KLHL35: variants seen among roughly 807,000 people sequenced by gnomAD.
KLHL35 encodes the protein kelch-like protein 35.
A neutral mutation model predicts 44.0 loss-of-function variants in KLHL35; 50 were observed. The ratio of observed to expected loss-of-function variants is 1.14; its 90% CI spans 0.91 to 1.44. KLHL35 has a LOEUF of 1.44. Ranked by LOEUF, KLHL35 falls within the 40% of genes most tolerant of loss-of-function variation. The pLI is 0.00. For synonymous variants in KLHL35, 470 were observed against 410.4 expected, an observed-to-expected ratio of 1.15 and a Z score of -1.76; for missense variants, 1,049 against 887.8, an observed-to-expected ratio of 1.18 and a Z score of -2.31.
chr11:75,429,642 A>G lies in KLHL35; in HGVS notation c.881+107T>C, dbSNP rs1035084018. Reference sequence around the variant, plus strand: ...GAGCCTCTAAAATGTTGAACGAATGACTGAATATCATCAAGAGGCAGTACT... The same window carrying G: ...GAGCCTCTAAAATGTTGAACGAATGGCTGAATATCATCAAGAGGCAGTACT... On this transcript the variant is annotated intron_variant, in intron 2 of 6. Transcript: ENST00000539798. 8 of 1,291,640 alleles carry G rather than the reference A, an allele frequency of 6.2e-6. No homozygotes were observed. In the Admixed American group the frequency reaches 1.2e-4, roughly 19 times the overall value. 80.0% of individuals were successfully genotyped at this position (1,291,640 alleles called of 1,614,324 possible).
Position 75,423,878 on chromosome 11 carries a change from C to T in KLHL35, c.1377G>A (p.Val459=). 1 of 1,611,296 alleles carries T rather than the reference C, an allele frequency of 6.2e-7. No individual in the cohort carries two copies. ...ARQGGVNTDK[V]QCFDPKEDRW... The stretch of plus-strand genomic sequence containing the variant: ...GGTCCTCCTTGGGGTCAAAGCACTG[C>T]ACCTGAGGGGCAAGAGCAGCAGTGG... Residue 459 remains valine, a splice_region_variant and synonymous_variant, in exon 6 of 7, where the codon GTG becomes GTA. Coordinates refer to ENST00000539798, the MANE Select transcript of KLHL35 (RefSeq NM_001039548.3).
chr11:75,425,871 G>A, intron 4 of KLHL35: 1 of 357,774 alleles, frequency 2.8e-6, no homozygotes, highest in Non-Finnish European at 5.0e-6. Context: ...ATAATAGCTA[G>A]TATTGAGACT....
intron 6 of KLHL35, 36 bp downstream of exon 6, chr11:75,423,656 C>A (rs377130311): frequency 1.9e-6 from 3 of 1,576,112 alleles, no homozygotes; most frequent in Non-Finnish European, 2.6e-6. Context: ...GCCTTAGAAG[C>A]GGGTTCCGCT....
At chr11:75,424,121 CTCA>C (rs1338932911) in intron 5 of KLHL35, 14 of 484,614 alleles carry the variant, frequency 2.9e-5, no homozygotes, top group Non-Finnish European at 4.7e-5. Flanking sequence ...CAAAAGCCTC[CTCA>C]TCTTTCGAGG....
rs1948495246 is a variant in KLHL35, at chr11:75,426,709, C to T, written c.1067-71G>A. The T allele has an allele frequency of 2.9e-6, 3 of 1,032,496 alleles. No individual in the cohort carries two copies. In the South Asian group the frequency reaches 4.3e-5, roughly 15 times the overall value. The allele number at this position is 1,032,496 out of a possible 1,614,324, so 64.0% of individuals were successfully genotyped here. On this transcript the variant is annotated intron_variant, in intron 3 of 6. Coordinates refer to ENST00000539798, the MANE Select transcript of KLHL35 (RefSeq NM_001039548.3). ...CCAAGCACCCCCAAAGAGCTAGAAACTAGGGCCCCCAGATCCAAAGGAAGG... is the reference window on the plus strand; with the variant it reads ...CCAAGCACCCCCAAAGAGCTAGAAATTAGGGCCCCCAGATCCAAAGGAAGG...
At chr11:75,426,864 G>C (rs1948496650) in intron 3 of KLHL35, 3 of 419,256 alleles carry the variant, frequency 7.2e-6, no homozygotes, top group East Asian at 4.0e-5. Context: ...GACACATTCA[G>C]GAAGAAGGGG....
chr11:75,428,465 A>G lies in KLHL35; in HGVS notation c.1043T>C (p.Leu348Pro), dbSNP rs1225843737. The change falls in exon 3 of 7, where the codon CTC becomes CCC. Residue 348 changes from leucine to proline, a missense_variant. Coordinates refer to ENST00000539798, the MANE Select transcript of KLHL35 (RefSeq NM_001039548.3). ...ACCGGAGACGTAGACGTCATTGCGG[A>G]GAGCACAGGCGGCGAATTCTGAGCG... ...YTRSEFAACALRNDVYVSGGH... is the reference protein window; with the variant it reads ...YTRSEFAACAPRNDVYVSGGH... 4 of 1,612,542 alleles carry G rather than the reference A, an allele frequency of 2.5e-6. No individual in the cohort carries two copies. Among genetic ancestry groups the G allele is most frequent in the Non-Finnish European group, 3.4e-6 (4 of 1,179,852 alleles).
At chr11:75,425,290 A>G (rs1295458650) in intron 5 of KLHL35, 103 bp downstream of exon 5, 1 of 1,267,170 alleles carries the variant, frequency 7.9e-7, no homozygotes, top group Admixed American at 3.0e-5. Flanking sequence ...GATGGGATTA[A>G]GTGAATAAAT....
rs1948519928 is a variant in KLHL35 at position 75,429,926 on chromosome 11, A to G, written c.704T>C (p.Leu235Pro). ...GCGCACGTGCTCCAGCAGGCGTCGC[A>G]GCTGGCCGCGGCGGGCCGGCGCGTC... The part of the protein sequence containing the change: ...RHDAPARRGQ[L>P]RRLLEHVRLP... Residue 235 changes from leucine (L) to proline (P), a missense_variant, in exon 2 of 7, where the codon CTG becomes CCG. Transcript: ENST00000539798. The G allele has an allele frequency of 6.8e-7, 1 of 1,473,824 alleles. No individual in the cohort carries two copies. The highest frequency in any genetic ancestry group is 8.9e-7 in the Non-Finnish European group (1 of 1,122,376). The allele number at this position is 1,473,824 out of a possible 1,614,324, so 91.3% of individuals were successfully genotyped here. A position where few individuals can be genotyped will look rare whatever the true frequency, so the allele number is the denominator to read the frequency against.
At chr11:75,432,069 A>G (rs1309391435) in intron 1 of KLHL35, among the ~76,000 whole-genome samples, 18 of 152,132 alleles carry the variant, frequency 1.2e-4, no homozygotes. Context: ...GGGCTGGGCC[A>G]TGCTGGTTAT....
chr11:75,424,246 G>A (rs1177382003), intron 5 of KLHL35: 4 of 227,672 alleles, frequency 1.8e-5, no homozygotes, highest in African/African-American at 4.5e-5. Flanking sequence ...GAACACAGTC[G>A]CCTCATGTTA....
chr11:75,425,408 G>A lies in KLHL35; in HGVS notation c.1359C>T (p.Gly453=), dbSNP rs746240289. ...CCACGCCCACCTTGTCCGTGTTGAC[G>A]CCGCCCTGCCTGGCGCCCCCAATCA... is the stretch of plus-strand genomic sequence containing the variant. The part of the protein sequence containing the change: ...LFVIGGARQG[G]VNTDKVQCFD... Residue 453 remains glycine (G), a synonymous_variant, in exon 5 of 7, where the codon GGC becomes GGT. Transcript: ENST00000539798. The A allele has an allele frequency of 1.3e-5, 21 of 1,556,272 alleles. No individual in the cohort carries two copies. The highest frequency in any genetic ancestry group is 1.1e-4 in the African/African-American group (8 of 73,340).
intron 3 of KLHL35, 188 bp from the exon 4 acceptor site, chr11:75,426,826 G>T: frequency 2.0e-6 from 1 of 494,106 alleles, no homozygotes; most frequent in Admixed American, 3.4e-5. Context: ...GGGAATGTCT[G>T]AGTTACGACC....
At position 75,422,773 on chromosome 11, in the gene KLHL35, G is replaced by C; in HGVS notation, c.1564-5C>G. The C allele has an allele frequency of 6.2e-7, 1 of 1,607,132 alleles. No individual in the cohort carries two copies. Among genetic ancestry groups the C allele is most frequent in the Non-Finnish European group, 8.5e-7 (1 of 1,174,140 alleles). ...CACAGTGACTCCACAGCTTTCCTGG[G>C]TGGACAAACAGAAAGACAACTATCA... On this transcript the variant is annotated splice_region_variant and splice_polypyrimidine_tract_variant and intron_variant, in intron 6 of 6. Coordinates refer to ENST00000539798, the MANE Select transcript of KLHL35 (RefSeq NM_001039548.3).
chr11:75,430,150 G>T lies in KLHL35; in HGVS notation c.480C>A (p.Arg160=), dbSNP rs1948523113. ...LRAANSLALR[R]VAAAFSLAPL... ...GGGCCAGCGAGAAGGCGGCGGCCAC[G>T]CGGCGCAGCGCTAGGCTGTTGGCGG... The change falls in exon 2 of 7, where the codon CGC becomes CGA. Residue 160 remains arginine (R), a synonymous_variant. Coordinates refer to ENST00000539798, the MANE Select transcript of KLHL35 (RefSeq NM_001039548.3). 2 of 1,246,196 alleles carry T rather than the reference G, an allele frequency of 1.6e-6. No individual in the cohort carries two copies. Among genetic ancestry groups the T allele is most frequent in the Non-Finnish European group, 2.0e-6 (2 of 997,590 alleles). 77.2% of individuals were successfully genotyped at this position (1,246,196 alleles called of 1,614,324 possible).
chr11:75,430,142 G>A lies in KLHL35; in HGVS notation c.488C>T (p.Ala163Val). The change falls in exon 2 of 7, where the codon GCC (alanine) becomes GTC (valine). Residue 163 changes from alanine to valine, a missense_variant. Physicochemically the swap from Ala to Val is moderately conservative, Grantham distance 64. Coordinates refer to ENST00000539798, the MANE Select transcript of KLHL35 (RefSeq NM_001039548.3). The part of the protein sequence containing the change: ...ANSLALRRVA[A>V]AFSLAPLAER... Reference sequence around the variant, plus strand: ...GGCCAGCGGGGCCAGCGAGAAGGCGGCGGCCACGCGGCGCAGCGCTAGGCT... The same window carrying A: ...GGCCAGCGGGGCCAGCGAGAAGGCGACGGCCACGCGGCGCAGCGCTAGGCT... The A allele has an allele frequency of 8.0e-7, 1 of 1,253,024 alleles. No individual in the cohort carries two copies. The highest frequency in any genetic ancestry group is 1.0e-6 in the Non-Finnish European group (1 of 1,001,774). The allele number at this position is 1,253,024 out of a possible 1,614,324, so 77.6% of individuals were successfully genotyped here.
In KLHL35 at chr11:75,426,116, G is replaced by C. The variant is rs373827547; in HGVS notation, c.1185+404C>G. 384 of 160,188 alleles carry C rather than the reference G, an allele frequency of 2.4e-3. 3 individuals are homozygous for C. Among genetic ancestry groups the C allele is most frequent in the African/African-American group, 8.8e-3 (367 of 41,618 alleles). 9.9% of individuals were successfully genotyped at this position (160,188 alleles called of 1,614,324 possible). ...GACTACAGGCACCAGCCACCACGCC[G>C]AGCTAATTTTTTGTATTTTTAGTAG... On this transcript the variant is annotated intron_variant, in intron 4 of 6. Coordinates refer to ENST00000539798, the MANE Select transcript of KLHL35 (RefSeq NM_001039548.3).
At chr11:75,428,379 G>C (rs992997008) in intron 3 of KLHL35, 63 bp downstream of exon 3, 9 of 1,569,458 alleles carry the variant, frequency 5.7e-6, no homozygotes, top group Middle Eastern at 1.8e-4. Context: ...AAAAGCAAAG[G>C]GGGTGGAGTG....
intron 3 of KLHL35, among the ~76,000 whole-genome samples, chr11:75,428,042 C>G (rs1948505058): frequency 6.6e-6 from 1 of 152,218 alleles, no homozygotes; most frequent in Non-Finnish European, 1.5e-5. Context: ...TTCCTCCTAG[C>G]TTTGCCATTT....
Sources: gnomAD v4.1 joint callset for allele counts (sites outside exome capture counted in the v4.1 genomes callset) on GRCh38, gnomAD v4.1.1 for gene constraint, MANE v1.5 for transcripts, NCBI Gene and HGNC (gene_info 2026-07-23, HGNC 2026-07-21) for gene names.